The following TBC1D30 variants were observed in gnomAD, a reference collection of about 807,000 sequenced individuals.
TBC1D30 encodes the protein TBC1 domain family member 30.
In TBC1D30, 31 loss-of-function variants were observed where a neutral mutation model predicts 63.2. That is an observed-to-expected ratio of 0.49 (90% confidence interval 0.37 to 0.66). TBC1D30 has a LOEUF of 0.66. Ranked by LOEUF, TBC1D30 falls within the 30% of genes least tolerant of loss-of-function variation. TBC1D30 has a pLI of 0.00. For missense variants in TBC1D30, 810 were observed against 953.6 expected, an observed-to-expected ratio of 0.85 and a Z score of 1.98; for synonymous variants, 307 against 361.5, an observed-to-expected ratio of 0.85 and a Z score of 1.71.
intron 5 of TBC1D30, among the ~76,000 whole-genome samples, chr12:64,832,644 T>C (rs929456263): frequency 6.6e-6 from 1 of 152,260 alleles, no homozygotes; most frequent in African/African-American, 2.4e-5. Context: ...GCGTCAGAAA[T>C]CTAGGCACAG....
chr12:64,874,928 A>G, intron 11 of TBC1D30, 73 bp from the exon 12 acceptor site: 2 of 1,402,722 alleles, frequency 1.4e-6, no homozygotes, highest in Non-Finnish European at 1.9e-6. Context: ...GAGGACCTCT[A>G]AGTGATTTCT....
intron 2 of TBC1D30, among the ~76,000 whole-genome samples, chr12:64,809,907 G>A (rs545394545): frequency 6.6e-6 from 1 of 152,170 alleles, no homozygotes; most frequent in South Asian, 2.1e-4. Context: ...ACCTCATAGA[G>A]TTTGGGATCC....
rs909594150 is a variant in TBC1D30 at position 64,866,788 on chromosome 12, T to G, written c.1176T>G (p.Ser392Arg). The G allele has an allele frequency of 2.0e-6, 3 of 1,536,446 alleles. No homozygotes were observed. The African/African-American group carries it at 4.1e-5, about 21-fold the overall frequency. ...GACGACATAGTAAGGCCAGAGACAGTGATGAAGAGAATGACCCAGACGATG... is the reference window on the plus strand; with the variant it reads ...GACGACATAGTAAGGCCAGAGACAGGGATGAAGAGAATGACCCAGACGATG... Reference protein sequence around the residue: ...VSGRHSKARDSDEENDPDDED... With the variant: ...VSGRHSKARDRDEENDPDDED... Residue 392 changes from serine (S) to arginine (R), a missense_variant, in exon 10 of 12, where the codon AGT becomes AGG. By Grantham distance (110) the Ser-to-Arg change is moderately radical. Around this residue, in one of 4 missense-constraint regions of TBC1D30, gnomAD observed 450 missense variants for 473.0 expected, o/e 0.95. Transcript: ENST00000539867.
chr12:64,822,138 A>G (rs1310247042), upstream of TBC1D30, among the ~76,000 whole-genome samples: 1 of 152,158 alleles, frequency 6.6e-6, no homozygotes, highest in Non-Finnish European at 1.5e-5. Flanking sequence ...GGCTATCTTT[A>G]TGAAGGCATT....
chr12:64,875,669 A>G lies in TBC1D30; in HGVS notation c.2167A>G (p.Thr723Ala), dbSNP rs755057527. The change falls in exon 12 of 12, where the codon ACT (threonine) becomes GCT (alanine). Residue 723 changes from threonine to alanine, a missense_variant. Thr to Ala is a moderately conservative substitution (Grantham distance 58, BLOSUM62 0). Transcript: ENST00000539867. ...PSVKPLRKSA[T>A]ARNLGLYGPT... ...CGTCAAGCCCCTGCGGAAATCTGCT[A>G]CTGCCAGGAACTTGGGATTATATGG... 1.6e-5 allele frequency: 25 copies of G among 1,536,318 alleles called. No individual in the cohort carries two copies. The East Asian group carries it at 2.7e-4, about 17-fold the overall frequency.
At chr12:64,799,709 T>C (rs1872493524) in intron 2 of TBC1D30, among the ~76,000 whole-genome samples, 1 of 152,250 alleles carries the variant, frequency 6.6e-6, no homozygotes, top group Non-Finnish European at 1.5e-5. Context: ...GGATACATGT[T>C]ATATCTGATG....
chr12:64,863,087 G>A (rs1877929074), intron 8 of TBC1D30, among the ~76,000 whole-genome samples: 1 of 152,208 alleles, frequency 6.6e-6, no homozygotes, highest in African/African-American at 2.4e-5. Context: ...AAGGACATGA[G>A]AGTGCTTCTG....
chr12:64,854,827 G>C (rs1877167663), intron 8 of TBC1D30, among the ~76,000 whole-genome samples: 1 of 152,168 alleles, frequency 6.6e-6, no homozygotes, highest in African/African-American at 2.4e-5. Context: ...GTCAAGAGGA[G>C]TTAATATACC....
upstream of TBC1D30, among the ~76,000 whole-genome samples, chr12:64,822,732 G>A (rs549217800): frequency 1.9e-4 from 27 of 141,514 alleles, no homozygotes; most frequent in Non-Finnish European, 2.7e-4. Context: ...CTCAGCCATT[G>A]TTTTTCAAGT....
At chr12:64,830,175 A>G (rs1874719904) in intron 3 of TBC1D30, among the ~76,000 whole-genome samples, 1 of 152,224 alleles carries the variant, frequency 6.6e-6, no homozygotes, top group Non-Finnish European at 1.5e-5. Context: ...ATTTATTGAA[A>G]GAGTAAATGA....
chr12:64,815,011 T>C (rs1251123956), intron 2 of TBC1D30, among the ~76,000 whole-genome samples: 2 of 152,196 alleles, frequency 1.3e-5, no homozygotes, highest in African/African-American at 4.8e-5. Context: ...TCCCCAAATA[T>C]CTGTCACCTG....
intron 5 of TBC1D30, among the ~76,000 whole-genome samples, chr12:64,832,597 G>A (rs1874967171): frequency 6.6e-6 from 1 of 152,224 alleles, no homozygotes; most frequent in African/African-American, 2.4e-5. Flanking sequence ...CAAATTAGCT[G>A]CTTAAAACAG....
intron 1 of TBC1D30, among the ~76,000 whole-genome samples, chr12:64,782,390 A>AT (rs113623885): frequency 3.3e-3 from 466 of 142,828 alleles, no homozygotes; most frequent in East Asian, 0.017. Context: ...CCTAGTGAAG[A>AT]TTTTTTTTTT....
chr12:64,874,063 A>AC (rs1248028302), intron 11 of TBC1D30, among the ~76,000 whole-genome samples: 4 of 152,174 alleles, frequency 2.6e-5, no homozygotes, highest in Non-Finnish European at 5.9e-5. Flanking sequence ...AATGCCATCG[A>AC]CAGTGCCTTC....
At chr12:64,759,957 G>A (rs1316494030) in intron 1 of TBC1D30, among the ~76,000 whole-genome samples, 2 of 151,998 alleles carry the variant, frequency 1.3e-5, no homozygotes, top group African/African-American at 2.4e-5. Context: ...TTCTCATTTG[G>A]CTCAGACATT....
chr12:64,788,005 G>C (rs1196213481), intron 2 of TBC1D30, among the ~76,000 whole-genome samples: 1 of 152,064 alleles, frequency 6.6e-6, no homozygotes, highest in East Asian at 1.9e-4. Context: ...CTGCACTCCA[G>C]CCTGGGCAAC....
chr12:64,818,770 G>C (rs1873708532), intron 2 of TBC1D30: 2 of 152,166 alleles, frequency 1.3e-5, no homozygotes. Context: ...CGTATGTACT[G>C]TGTTCATAAT....
chr12:64,830,112 A>C (rs1035796628), intron 3 of TBC1D30, among the ~76,000 whole-genome samples: 4 of 152,220 alleles, frequency 2.6e-5, no homozygotes, highest in Admixed American at 2.6e-4. Context: ...TCTTTCTAAC[A>C]GTATCCCTAA....
chr12:64,829,572 T>C (rs1565662612), intron 3 of TBC1D30, among the ~76,000 whole-genome samples: 1 of 152,152 alleles, frequency 6.6e-6, no homozygotes, highest in African/African-American at 2.4e-5. Context: ...TTGACATGCC[T>C]ATTAGATATC....
Sources: allele counts gnomAD v4.1 joint callset (sites outside exome capture counted in the v4.1 genomes callset), GRCh38; gene constraint gnomAD v4.1.1; regional missense constraint gnomAD v4.1.1; transcripts MANE v1.5; gene names NCBI Gene and HGNC (gene_info 2026-07-23, HGNC 2026-07-21).